CFAP45: variants seen among roughly 807,000 people sequenced by gnomAD.
CFAP45 encodes cilia- and flagella-associated protein 45.
Under a neutral mutation model 75.6 loss-of-function variants are expected in CFAP45, and 43 were observed. The ratio of observed to expected loss-of-function variants is 0.57; its 90% CI spans 0.45 to 0.73. The LOEUF is 0.73. Ranked by LOEUF, CFAP45 falls within the 30% of genes least tolerant of loss-of-function variation. The pLI, the probability that CFAP45 is intolerant of heterozygous loss-of-function variation, is 0.00. For missense variants in CFAP45, 689 were observed against 701.5 expected (o/e 0.98, Z 0.20); for synonymous variants, 223 against 244.6 (o/e 0.91, Z 0.82).
intron 2 of CFAP45, among the ~76,000 whole-genome samples, chr1:159,891,289 T>G (rs529619743): frequency 3.9e-5 from 6 of 152,300 alleles, no homozygotes; most frequent in Admixed American, 3.9e-4. Context: ...TTTGAAGCAA[T>G]ATAATTTGTT....
chr1:159,890,762 T>A, intron 2 of CFAP45, 140 bp from the exon 3 acceptor site: 3 of 632,750 alleles, frequency 4.7e-6, no homozygotes, highest in Non-Finnish European at 7.5e-6. Flanking sequence ...CTTTTCTTTT[T>A]TTTTTTTTTT....
In CFAP45 at chr1:159,884,462, C is replaced by G. The variant is rs1164077281; in HGVS notation, c.871G>C (p.Glu291Gln). 2 of 1,613,710 alleles carry G rather than the reference C, an allele frequency of 1.2e-6. No homozygotes were observed. Among genetic ancestry groups the G allele is most frequent in the Admixed American group, 3.3e-5 (2 of 59,984 alleles). ...TTTAGATCTTCCTCTTGGAGCTGTTCCATATATTCCAGCATCTGCTCCTTC... is the reference window on the plus strand; with the variant it reads ...TTTAGATCTTCCTCTTGGAGCTGTTGCATATATTCCAGCATCTGCTCCTTC... ...QEKEQMLEYM[E>Q]QLQEEDLKDM... is the part of the protein sequence containing the mutation. Residue 291 changes from glutamate to glutamine, a missense_variant, in exon 7 of 12, where the codon GAA becomes CAA. Glu to Gln is a conservative substitution (Grantham distance 29). Coordinates refer to ENST00000368099, the MANE Select transcript of CFAP45 (RefSeq NM_012337.3).
At chr1:159,881,273 G>C (rs968318995) in intron 7 of CFAP45, among the ~76,000 whole-genome samples, 1 of 152,100 alleles carries the variant, frequency 6.6e-6, no homozygotes, top group African/African-American at 2.4e-5. Flanking sequence ...CTTCCCCACC[G>C]GCCACACAGC....
At chr1:159,873,426 C>A in intron 10 of CFAP45, 2 of 544,934 alleles carry the variant, frequency 3.7e-6, no homozygotes, top group Non-Finnish European at 3.3e-6. Context: ...GAAGGGCCCC[C>A]AGCTTGGTTT....
chr1:159,885,481 A>G (rs1021893986), intron 6 of CFAP45, among the ~76,000 whole-genome samples: 2 of 152,218 alleles, frequency 1.3e-5, no homozygotes, highest in African/African-American at 4.8e-5. Context: ...TGGTACAAAG[A>G]TTATTTATAA....
intron 7 of CFAP45, among the ~76,000 whole-genome samples, chr1:159,881,925 A>G (rs1649560033): frequency 6.6e-6 from 1 of 152,036 alleles, no homozygotes; most frequent in Non-Finnish European, 1.5e-5. Flanking sequence ...AGCTCCCTCC[A>G]TTTCTCCAAA....
At chr1:159,898,226 C>T (rs1649995062) in intron 1 of CFAP45, 1 of 985,386 alleles carries the variant, frequency 1.0e-6, no homozygotes, top group African/African-American at 1.7e-5. Flanking sequence ...CTGAGTGATC[C>T]ACGCAATTAT....
chr1:159,891,747 GCA>G (rs375739922), intron 2 of CFAP45, among the ~76,000 whole-genome samples: 143 of 152,208 alleles, frequency 9.4e-4, no homozygotes, highest in African/African-American at 3.2e-3. Flanking sequence ...TTTCACGTGG[GCA>G]CAACTCAGTC....
intron 3 of CFAP45, among the ~76,000 whole-genome samples, chr1:159,889,644 C>T (rs1191775939): frequency 6.6e-6 from 1 of 152,242 alleles, no homozygotes; most frequent in Non-Finnish European, 1.5e-5. Flanking sequence ...AACCCTTCCT[C>T]CCTTCCTCTG....
intron 1 of CFAP45, 63 bp from the exon 2 acceptor site, chr1:159,893,368 C>A: frequency 6.5e-7 from 1 of 1,536,336 alleles, no homozygotes; most frequent in Non-Finnish European, 9.0e-7. Context: ...CCTGGGAAGT[C>A]AACAATTCAC....
In CFAP45 at chr1:159,888,455, C is replaced by T. The variant is rs199660398; in HGVS notation, c.314G>A (p.Ser105Asn). ...TTTGATTCGCTCAAACTCCTCAGGG[C>T]TGATGATTAGGGACTCCCCGGAGGG... Reference protein sequence around the residue: ...EDPSGESLIISPEEFERIKWA... With the variant: ...EDPSGESLIINPEEFERIKWA... The change falls in exon 4 of 12, where the codon AGC (serine) becomes AAC (asparagine). Residue 105 changes from serine (S) to asparagine (N), a missense_variant. Physicochemically the swap from Ser to Asn is conservative, Grantham distance 46. Transcript: ENST00000368099. The T allele has an allele frequency of 2.4e-5, 38 of 1,605,014 alleles. No individual in the cohort carries two copies. The highest frequency in any genetic ancestry group is 3.2e-5 in the Non-Finnish European group (38 of 1,173,114).
chr1:159,887,833 G>C lies in CFAP45; in HGVS notation c.588+8C>G. The stretch of plus-strand genomic sequence containing the variant: ...TGCTCAGAGGGAAGGGAGAGACGAA[G>C]AGCCCACCTTGCTCATGTCCTTGAG... On this transcript the variant is annotated splice_region_variant and intron_variant, in intron 5 of 11. Transcript: ENST00000368099. The C allele has an allele frequency of 6.2e-7, 1 of 1,607,062 alleles. No individual in the cohort carries two copies. Among genetic ancestry groups the C allele is most frequent in the Non-Finnish European group, 8.5e-7 (1 of 1,175,624 alleles).
At chr1:159,898,283 C>A in intron 1 of CFAP45, 4 of 936,486 alleles carry the variant, frequency 4.3e-6, no homozygotes, top group Non-Finnish European at 5.1e-6. Context: ...AGGATGCCAC[C>A]AGAAGATAAC....
rs539116292 is a variant in CFAP45 at position 159,878,753 on chromosome 1, T to TAAAAAAA, written c.1045-1298_1045-1292dup. Among the ~76,000 whole-genome samples, 211 of 32,474 alleles carry TAAAAAAA rather than the reference T, an allele frequency of 6.5e-3. 41 individuals carry two copies. The highest frequency in any genetic ancestry group is 0.015 in the Middle Eastern group (1 of 68). The allele number at this position is 32,474 out of a possible 152,430, so 21.3% of individuals were successfully genotyped here. On this transcript the variant is annotated intron_variant, in intron 8 of 11. Transcript: ENST00000368099. ...CCTAGTGACAGAGCAAGACTACATCTAAAAAAAAAAAAAAAAAAAAAAAAA... is the reference window on the plus strand; with the variant it reads ...CCTAGTGACAGAGCAAGACTACATCTAAAAAAAAAAAAAAAAAAAAAAAAAAAAAAAA...
At chr1:159,897,604 A>G (rs1325811841) in intron 1 of CFAP45, among the ~76,000 whole-genome samples, 1 of 152,220 alleles carries the variant, frequency 6.6e-6, no homozygotes, top group Non-Finnish European at 1.5e-5. Context: ...GAAATGTAGA[A>G]GTACTCTTGT....
intron 9 of CFAP45, 62 bp from the exon 10 acceptor site, chr1:159,876,811 C>T (rs1649416650): frequency 6.4e-7 from 1 of 1,554,214 alleles, no homozygotes; most frequent in Non-Finnish European, 8.9e-7. Context: ...GACCAAGTGG[C>T]TTTAAGAAGA....
At chr1:159,891,386 G>A (rs918399292) in intron 2 of CFAP45, among the ~76,000 whole-genome samples, 1 of 152,154 alleles carries the variant, frequency 6.6e-6, no homozygotes, top group Non-Finnish European at 1.5e-5. Flanking sequence ...GCCATATTCA[G>A]GGAGTTAGAA....
intron 10 of CFAP45, among the ~76,000 whole-genome samples, chr1:159,875,671 G>C (rs920128924): frequency 6.6e-6 from 1 of 152,140 alleles, no homozygotes. Context: ...CCTTCAATTC[G>C]AATTTTGCTT....
intron 10 of CFAP45, chr1:159,876,326 C>T (rs1649401035): frequency 1.7e-6 from 1 of 584,194 alleles, no homozygotes; most frequent in South Asian, 2.1e-5. Flanking sequence ...CCAGTCATCA[C>T]CAATTCCTTA....
Sources: gnomAD v4.1 joint callset for allele counts (sites outside exome capture counted in the v4.1 genomes callset) on GRCh38, gnomAD v4.1.1 for gene constraint, MANE v1.5 for transcripts, NCBI Gene and HGNC (gene_info 2026-07-23, HGNC 2026-07-21) for gene names.